Variants in NYAP2 observed in about 807,000 individuals in gnomAD.
The protein encoded by NYAP2 is neuronal tyrosine-phosphorylated phosphoinositide-3-kinase adapter 2.
In NYAP2, 23 loss-of-function variants were observed where a neutral mutation model predicts 50.4. The ratio of observed to expected loss-of-function variants is 0.46; its 90% CI spans 0.33 to 0.65. The LOEUF (loss-of-function observed/expected upper bound fraction) is 0.65. Among genes scored for constraint, NYAP2 ranks in the 30% least tolerant of loss-of-function variants. The pLI, the probability that NYAP2 is intolerant of heterozygous loss-of-function variation, is 0.02. For synonymous variants in NYAP2, 394 were observed against 365.2 expected (o/e 1.08, Z -0.90); for missense variants, 885 against 861.0 (o/e 1.03, Z -0.35).
the NYAP2 span, among the ~76,000 whole-genome samples, chr2:225,660,270 G>A: frequency 0.022 from 3,391 of 152,140 alleles, 139 homozygotes; most frequent in African/African-American, 0.077. Flanking sequence ...GGCAAAGTAC[G>A]TAGAAATTGG....
At chr2:225,564,393 G>T (rs1691926782) in intron 4 of NYAP2, among the ~76,000 whole-genome samples, 1 of 151,580 alleles carries the variant, frequency 6.6e-6, no homozygotes, top group Non-Finnish European at 1.5e-5. Context: ...TAACCCCTAA[G>T]AGCTCAGAAC....
chr2:225,421,969 C>G (rs1158501802), intron 3 of NYAP2, among the ~76,000 whole-genome samples: 1 of 151,978 alleles, frequency 6.6e-6, no homozygotes, highest in Non-Finnish European at 1.5e-5. Context: ...TCTTCTTCTT[C>G]TTTTCCACAT....
chr2:225,648,824 G>A (rs1693681779), intron 6 of NYAP2, among the ~76,000 whole-genome samples: 1 of 152,216 alleles, frequency 6.6e-6, no homozygotes, highest in South Asian at 2.1e-4. Flanking sequence ...AGGGGACAGA[G>A]CTATGGGAAC....
At chr2:225,429,848 T>C (rs1397536031) in intron 3 of NYAP2, among the ~76,000 whole-genome samples, 3 of 152,200 alleles carry the variant, frequency 2.0e-5, no homozygotes, top group Admixed American at 1.3e-4. Flanking sequence ...AAAGCATCAG[T>C]TGCACACTAT....
intron 4 of NYAP2, among the ~76,000 whole-genome samples, chr2:225,571,295 A>T (rs1171306908): frequency 1.3e-5 from 2 of 152,178 alleles, no homozygotes; most frequent in African/African-American, 4.8e-5. Flanking sequence ...TCACAGCTCC[A>T]TTAGGAAGTG....
chr2:225,560,610 A>C (rs1691854347), intron 4 of NYAP2, among the ~76,000 whole-genome samples: 1 of 152,068 alleles, frequency 6.6e-6, no homozygotes, highest in African/African-American at 2.4e-5. Flanking sequence ...AGTATATTGC[A>C]TTTATATCCA....
At chr2:225,678,849 A>T in the NYAP2 span, among the ~76,000 whole-genome samples, 8 of 152,220 alleles carry the variant, frequency 5.3e-5, no homozygotes, top group African/African-American at 1.2e-4. Context: ...CCCCTTGCTG[A>T]GTTTCATGGA....
At chr2:225,489,370 G>A (rs904899042) in intron 3 of NYAP2, among the ~76,000 whole-genome samples, 2 of 150,936 alleles carry the variant, frequency 1.3e-5, no homozygotes, top group African/African-American at 4.9e-5. Context: ...CTTTTTTTTT[G>A]TATTTTTAGT....
chr2:225,502,862 G>A (rs1042430368), intron 3 of NYAP2, among the ~76,000 whole-genome samples: 3 of 152,188 alleles, frequency 2.0e-5, no homozygotes, highest in Non-Finnish European at 4.4e-5. Flanking sequence ...GACTTTCTGA[G>A]GACCCTGACC....
chr2:225,446,927 A>G (rs1393521674), intron 3 of NYAP2, among the ~76,000 whole-genome samples: 1 of 152,088 alleles, frequency 6.6e-6, no homozygotes. Context: ...GGACAATTCA[A>G]CCAGAGAGGC....
intron 6 of NYAP2, among the ~76,000 whole-genome samples, chr2:225,641,984 AT>A (rs1693542607): frequency 6.6e-6 from 1 of 152,174 alleles, no homozygotes; most frequent in South Asian, 2.1e-4. Flanking sequence ...GAATAATTCA[AT>A]CAATAAATGC....
intron 3 of NYAP2, among the ~76,000 whole-genome samples, chr2:225,480,773 C>A (rs1453312706): frequency 2.6e-5 from 4 of 152,020 alleles, no homozygotes; most frequent in Admixed American, 6.6e-5. Context: ...ATGATCTGAA[C>A]AATGAGGAGA....
chr2:225,544,127 T>C (rs537028228), intron 4 of NYAP2, among the ~76,000 whole-genome samples: 4 of 152,028 alleles, frequency 2.6e-5, no homozygotes, highest in African/African-American at 7.2e-5. Context: ...TTGGTTTCCA[T>C]TGGCATGGAA....
chr2:225,508,212 A>G (rs779043200), intron 3 of NYAP2, among the ~76,000 whole-genome samples: 1 of 152,212 alleles, frequency 6.6e-6, no homozygotes, highest in Non-Finnish European at 1.5e-5. Context: ...GGCTTAATCT[A>G]TCTTGAGTGT....
At chr2:225,440,265 G>A (rs1192002448) in intron 3 of NYAP2, among the ~76,000 whole-genome samples, 1 of 152,208 alleles carries the variant, frequency 6.6e-6, no homozygotes, top group East Asian at 1.9e-4. Context: ...ATCATAGGAT[G>A]CGCTGGGTAG....
intron 6 of NYAP2, among the ~76,000 whole-genome samples, chr2:225,629,750 T>C (rs540023307): frequency 1.3e-5 from 2 of 152,102 alleles, no homozygotes; most frequent in Non-Finnish European, 2.9e-5. Flanking sequence ...ACCCACTCTC[T>C]CAAGAACCAG....
intron 3 of NYAP2, among the ~76,000 whole-genome samples, chr2:225,509,096 TC>T (rs1690763632): frequency 6.6e-6 from 1 of 152,154 alleles, no homozygotes; most frequent in Admixed American, 6.5e-5. Context: ...GTCATCTCCC[TC>T]CTCCATCATT....
At chr2:225,572,821 C>T (rs967580011) in intron 4 of NYAP2, among the ~76,000 whole-genome samples, 5 of 152,188 alleles carry the variant, frequency 3.3e-5, no homozygotes, top group Non-Finnish European at 7.3e-5. Context: ...ACCAGATCCC[C>T]TAGGTACTGC....
chr2:225,542,363 GC>G (rs571892096), intron 4 of NYAP2, among the ~76,000 whole-genome samples: 238 of 152,222 alleles, frequency 1.6e-3, no homozygotes, highest in Non-Finnish European at 2.9e-3. Flanking sequence ...TAGAGGAAAA[GC>G]TTTTAGATTG....
Sources: gnomAD v4.1 joint callset for allele counts (sites outside exome capture counted in the v4.1 genomes callset) on GRCh38, gnomAD v4.1.1 for gene constraint, MANE v1.5 for transcripts, NCBI Gene and HGNC (gene_info 2026-07-23, HGNC 2026-07-21) for gene names.